The following KRT71 variants were observed in gnomAD, a reference collection of about 807,000 sequenced individuals.
KRT71 encodes the protein keratin, type II cytoskeletal 71.
KRT71 carries 42 observed loss-of-function variants against 46.2 expected under a neutral mutation model. That is an observed-to-expected ratio of 0.91 (90% CI 0.71 to 1.18). The LOEUF is 1.18. Among genes scored for constraint, KRT71 ranks in the 50% most tolerant of loss-of-function variants. The pLI, the probability that KRT71 is intolerant of heterozygous loss-of-function variation, is 0.00. For synonymous variants in KRT71, 292 were observed against 277.8 expected, an observed-to-expected ratio of 1.05 and a Z score of -0.51; for missense variants, 708 against 677.9, an observed-to-expected ratio of 1.04 and a Z score of -0.49.
chr12:52,550,229 C>T lies in KRT71; in HGVS notation c.456G>A (p.Glu152=). The T allele has an allele frequency of 6.2e-7, 1 of 1,614,148 alleles. No homozygotes were observed. Among genetic ancestry groups the T allele is most frequent in the East Asian group, 2.2e-5 (1 of 44,880 alleles). The change falls in exon 2 of 9, where the codon GAG becomes GAA. Residue 152 remains glutamate (E), a synonymous_variant. Coordinates refer to ENST00000267119, the MANE Select transcript of KRT71 (RefSeq NM_033448.3). ...ASFIDKVRFL[E]QQNQVLETKW... ...TGGTCTCCAGTACCTGGTTCTGCTG[C>T]TCCAGGAACCGCACCTGGAACCCAG... is the stretch of plus-strand genomic sequence containing the variant.
chr12:52,545,737 C>T lies in KRT71; in HGVS notation c.1326-138G>A, dbSNP rs74095112. On this transcript the variant is annotated intron_variant, in intron 7 of 8. Transcript: ENST00000267119. Reference sequence around the variant, plus strand: ...TGGAAATTCCAAAGCTTCTCTGATGCAAGCAGAGCCTGAGAAGTTTTGGAG... The same window carrying T: ...TGGAAATTCCAAAGCTTCTCTGATGTAAGCAGAGCCTGAGAAGTTTTGGAG... The T allele has an allele frequency of 2.5e-3, 1,440 of 583,060 alleles. 18 individuals carry two copies. The African/African-American group carries it at 0.026, about 10-fold the overall frequency. 36.1% of individuals were successfully genotyped at this position (583,060 alleles called of 1,614,324 possible).
intron 3 of KRT71, 102 bp downstream of exon 3, chr12:52,549,191 G>C: frequency 1.1e-6 from 1 of 880,906 alleles, no homozygotes; most frequent in Non-Finnish European, 1.9e-6. Flanking sequence ...TGCTCTTCCT[G>C]AATCAGTTCA....
At chr12:52,552,455 C>A (rs1248718649) in intron 1 of KRT71, among the ~76,000 whole-genome samples, 182 bp downstream of exon 1, 1 of 152,248 alleles carries the variant, frequency 6.6e-6, no homozygotes, top group African/African-American at 2.4e-5. Flanking sequence ...TCTGTTTTCT[C>A]TCTGGAAAGA....
intron 4 of KRT71, 85 bp downstream of exon 4, chr12:52,548,616 G>T: frequency 1.7e-6 from 2 of 1,208,546 alleles, no homozygotes; most frequent in Non-Finnish European, 2.4e-6. Flanking sequence ...CTGAGGGCTG[G>T]GGCCTCCATG....
Position 52,548,314 on chromosome 12 carries a change from C to T in KRT71, c.816G>A (p.Glu272=), listed in dbSNP as rs1939094780. The T allele has an allele frequency of 6.2e-7, 1 of 1,609,442 alleles. No homozygotes were observed. The highest frequency in any genetic ancestry group is 8.5e-7 in the Non-Finnish European group (1 of 1,177,518). ...IKFFRCLFEA[E]ITQIQSHISD... ...TGATGTGGGACTGGATCTGAGTGAT[C>T]TCCTGCAGGGGACACAGAAATGGTC... The change falls in exon 5 of 9, where the codon GAG becomes GAA. Residue 272 remains glutamate, a splice_region_variant and synonymous_variant. Coordinates refer to ENST00000267119, the MANE Select transcript of KRT71 (RefSeq NM_033448.3).
Position 52,546,365 on chromosome 12 carries a change from G to GGTA in KRT71, c.1243_1245dup (p.Tyr415dup). On this transcript the variant is annotated inframe_insertion, in exon 7 of 9. Coordinates refer to ENST00000267119, the MANE Select transcript of KRT71 (RefSeq NM_033448.3). ...GCCAGCTTCAGGCTCATGAGCTCCT[G>GGTA]GTACTCGCGCAGCATCCGCGCCAGC... 6.2e-7 allele frequency: 1 copy of GGTA among 1,614,206 alleles called. No homozygotes were observed. Among genetic ancestry groups the GGTA allele is most frequent in the Non-Finnish European group, 8.5e-7 (1 of 1,180,038 alleles).
intron 7 of KRT71, 151 bp downstream of exon 7, chr12:52,546,135 G>A (rs1592203551): frequency 2.4e-6 from 2 of 819,570 alleles, no homozygotes; most frequent in South Asian, 1.8e-5. Context: ...GTCCACTCAT[G>A]GTAGTATTGT....
At position 52,552,573 on chromosome 12, in the gene KRT71, T is replaced by C. The variant is rs992595288; in HGVS notation, c.441+64A>G. 5 of 1,493,708 alleles carry C rather than the reference T, an allele frequency of 3.3e-6. No homozygotes were observed. In the East Asian group the frequency reaches 1.1e-4, roughly 34 times the overall value. The allele number at this position is 1,493,708 out of a possible 1,614,324, so 92.5% of individuals were successfully genotyped here. A position where few individuals can be genotyped will look rare whatever the true frequency, so the allele number is the denominator to read the frequency against. On this transcript the variant is annotated intron_variant, in intron 1 of 8. Coordinates refer to ENST00000267119, the MANE Select transcript of KRT71 (RefSeq NM_033448.3). ...CTCAATCTCTCCTGCTGTAACAAAA[T>C]CGTATGTTCCAAGAAGAGAAGAGGA...
At position 52,553,131 on chromosome 12, in the gene KRT71, A is replaced by C; in HGVS notation, c.-54T>G. 1.3e-6 allele frequency: 2 copies of C among 1,516,652 alleles called. No homozygotes were observed. The highest frequency in any genetic ancestry group is 1.8e-6 in the Non-Finnish European group (2 of 1,128,202). 93.9% of individuals were successfully genotyped at this position (1,516,652 alleles called of 1,614,324 possible). A position where few individuals can be genotyped will look rare whatever the true frequency, so the allele number is the denominator to read the frequency against. ...AGGAGGGAGGAAGGCAAAATCCCAA[A>C]AGGTTCTGCTGGTTGTAGTGAGGAC... On this transcript the variant is annotated 5_prime_UTR_variant, in exon 1 of 9. Coordinates refer to ENST00000267119, the MANE Select transcript of KRT71 (RefSeq NM_033448.3).
In KRT71 at chr12:52,553,002, C is replaced by G; in HGVS notation, c.76G>C (p.Gly26Arg). ...GFSGCSAVLS[G>R]GSSSSFRAGS... is the part of the protein sequence containing the mutation. ...GCCCGGAAGGAGGATGAGCTGCCCCCTGAGAGCACAGCTGAGCAGCCACTG... is the reference window on the plus strand; with the variant it reads ...GCCCGGAAGGAGGATGAGCTGCCCCGTGAGAGCACAGCTGAGCAGCCACTG... The change falls in exon 1 of 9, where the codon GGG becomes CGG. Residue 26 changes from glycine (G) to arginine (R), a missense_variant. By Grantham distance (125) the Gly-to-Arg change is moderately radical (BLOSUM62 -2). Transcript: ENST00000267119. 6.2e-7 allele frequency: 1 copy of G among 1,613,756 alleles called. No individual in the cohort carries two copies. Among genetic ancestry groups the G allele is most frequent in the Non-Finnish European group, 8.5e-7 (1 of 1,179,828 alleles).
chr12:52,548,567 G>C (rs1939100930), intron 4 of KRT71, 134 bp downstream of exon 4: 2 of 852,012 alleles, frequency 2.3e-6, no homozygotes, highest in African/African-American at 1.7e-5. Flanking sequence ...AGCCTCGCAA[G>C]TCTGATGCGG....
At chr12:52,546,654 G>A in intron 6 of KRT71, 148 bp from the exon 7 acceptor site, 2 of 770,666 alleles carry the variant, frequency 2.6e-6, no homozygotes, top group Non-Finnish European at 4.1e-6. Flanking sequence ...AGCCCCTTCT[G>A]GGGCTGGCAC....
intron 1 of KRT71, 125 bp downstream of exon 1, chr12:52,552,512 T>A: frequency 4.1e-6 from 4 of 987,186 alleles, no homozygotes; most frequent in Non-Finnish European, 6.0e-6. Context: ...GGGATGTACC[T>A]ACCTTGTCCA....
rs142752869 is a variant in KRT71 at position 52,552,613 on chromosome 12, T to C, written c.441+24A>G. 2.4e-4 allele frequency: 387 copies of C among 1,586,384 alleles called. 1 individual carries two copies. In the African/African-American group the frequency reaches 4.5e-3, roughly 18 times the overall value. On this transcript the variant is annotated intron_variant, in intron 1 of 8. Coordinates refer to ENST00000267119, the MANE Select transcript of KRT71 (RefSeq NM_033448.3). ...AGAGAAGAGGAGGGCTGTTCACAAG[T>C]TCCCCAGGCCCTAGAAGACCCACCT... is the stretch of plus-strand genomic sequence containing the variant.
At chr12:52,552,603 T>C in intron 1 of KRT71, 34 bp downstream of exon 1, 1 of 1,569,880 alleles carries the variant, frequency 6.4e-7, no homozygotes, top group East Asian at 2.2e-5. Flanking sequence ...AGAGGAGGGC[T>C]GTTCACAAGT....
chr12:52,553,044 C>T lies in KRT71; in HGVS notation c.34G>A (p.Ala12Thr), dbSNP rs1447685030. The T allele has an allele frequency of 6.3e-7, 1 of 1,592,872 alleles. No individual in the cohort carries two copies. The highest frequency in any genetic ancestry group is 8.6e-7 in the Non-Finnish European group (1 of 1,168,114). ...SRQFTCKSGA[A>T]AKGGFSGCSA... ...CAGCCACTGAAGCCCCCCTTGGCGG[C>T]AGCTCCCGACTTGCAGGTGAATTGG... is the stretch of plus-strand genomic sequence containing the variant. The change falls in exon 1 of 9, where the codon GCC (alanine) becomes ACC (threonine). Residue 12 changes from alanine (A) to threonine (T), a missense_variant. Transcript: ENST00000267119.
intron 5 of KRT71, 48 bp downstream of exon 5, chr12:52,548,104 G>A: frequency 6.2e-7 from 1 of 1,604,192 alleles, no homozygotes; most frequent in Middle Eastern, 1.7e-4. Context: ...GTCTCCATCT[G>A]CTGCCCGCTG....
Position 52,552,663 on chromosome 12 carries a change from T to C in KRT71, c.415A>G (p.Asn139Asp). ...QEREQIKALN[N>D]KFASFIDKVR... ...TTGTCGATGAAGGAGGCGAACTTGT[T>C]GTTCAGAGCCTTGATCTGCTCTCGC... The change falls in exon 1 of 9, where the codon AAC becomes GAC. Residue 139 changes from asparagine (N) to aspartate (D), a missense_variant. Coordinates refer to ENST00000267119, the MANE Select transcript of KRT71 (RefSeq NM_033448.3). 1 of 1,611,850 alleles carries C rather than the reference T, an allele frequency of 6.2e-7. No individual in the cohort carries two copies. The highest frequency in any genetic ancestry group is 8.5e-7 in the Non-Finnish European group (1 of 1,178,940).
In KRT71 at chr12:52,544,343, G is replaced by T; in HGVS notation, c.*189C>A. 1 of 679,308 alleles carries T rather than the reference G, an allele frequency of 1.5e-6. No individual in the cohort carries two copies. Among genetic ancestry groups the T allele is most frequent in the Non-Finnish European group, 2.6e-6 (1 of 377,862 alleles). The allele number at this position is 679,308 out of a possible 1,614,324, so 42.1% of individuals were successfully genotyped here. On this transcript the variant is annotated 3_prime_UTR_variant, in exon 9 of 9. Transcript: ENST00000267119. ...TGTGTACAGGGAGGAATTTCACCAA[G>T]CTTGGTCATCCAGGCCTTCCCAGGA...
Sources: allele counts gnomAD v4.1 joint callset (sites outside exome capture counted in the v4.1 genomes callset), GRCh38; gene constraint gnomAD v4.1.1; transcripts MANE v1.5; gene names NCBI Gene and HGNC (gene_info 2026-07-23, HGNC 2026-07-21).